Variants in SETBP1 observed in about 807,000 individuals in gnomAD.
The protein encoded by SETBP1 is SET binding protein 1.
SETBP1 carries 9 observed loss-of-function variants against 101.0 expected under a neutral mutation model. The ratio of observed to expected loss-of-function variants is 0.09; its 90% CI spans 0.05 to 0.16. The LOEUF is 0.16. SETBP1 is among the 10% of genes least tolerant of loss of function. SETBP1 has a pLI of 1.00. For missense variants in SETBP1, 1,858 were observed against 2,033.8 expected, an observed-to-expected ratio of 0.91 and a Z score of 1.66; for synonymous variants, 818 against 788.5, an observed-to-expected ratio of 1.04 and a Z score of -0.63.
At chr18:44,941,593 T>A (rs2071089712) in intron 3 of SETBP1, among the ~76,000 whole-genome samples, 2 of 152,270 alleles carry the variant, frequency 1.3e-5, no homozygotes, top group South Asian at 4.1e-4. Context: ...TTAGACCTCT[T>A]GATATTGCTC....
chr18:44,808,417 T>G (rs1174499951), intron 2 of SETBP1, among the ~76,000 whole-genome samples: 1 of 152,236 alleles, frequency 6.6e-6, no homozygotes, highest in Non-Finnish European at 1.5e-5. Flanking sequence ...AAGCTTCATT[T>G]GAAGCCATCA....
intron 2 of SETBP1, among the ~76,000 whole-genome samples, chr18:44,755,053 C>A (rs1357587611): frequency 6.6e-6 from 1 of 152,244 alleles, no homozygotes; most frequent in Non-Finnish European, 1.5e-5. Context: ...ATATGAACTA[C>A]TAACTTGTTT....
chr18:44,834,082 C>T (rs2072436077), intron 2 of SETBP1, among the ~76,000 whole-genome samples: 2 of 152,160 alleles, frequency 1.3e-5, no homozygotes, highest in African/African-American at 4.8e-5. Context: ...TAGGACTGGA[C>T]TTCAGGAATT....
At chr18:44,913,077 C>T (rs1568213681) in intron 3 of SETBP1, among the ~76,000 whole-genome samples, 3 of 152,176 alleles carry the variant, frequency 2.0e-5, no homozygotes. Flanking sequence ...CTTTGAGAAA[C>T]CCACTGCTCT....
chr18:44,681,427 T>C (rs1305929901), intron 1 of SETBP1, among the ~76,000 whole-genome samples: 1 of 152,118 alleles, frequency 6.6e-6, no homozygotes, highest in Non-Finnish European at 1.5e-5. Flanking sequence ...CAGTGTCTGT[T>C]TGTGATGGAA....
At chr18:44,695,414 G>A (rs754927244) in intron 1 of SETBP1, among the ~76,000 whole-genome samples, 11 of 152,178 alleles carry the variant, frequency 7.2e-5, no homozygotes, top group Non-Finnish European at 1.5e-4. Context: ...GAAAAAGAAA[G>A]TCTTCAATTA....
intron 2 of SETBP1, among the ~76,000 whole-genome samples, chr18:44,740,521 G>C (rs1443296951): frequency 6.6e-6 from 1 of 152,208 alleles, no homozygotes; most frequent in African/African-American, 2.4e-5. Flanking sequence ...AGTGGCTATT[G>C]AGTTCCCAAT....
chr18:44,786,950 C>T (rs1419284360), intron 2 of SETBP1, among the ~76,000 whole-genome samples: 1 of 152,148 alleles, frequency 6.6e-6, no homozygotes, highest in Admixed American at 6.5e-5. Context: ...ATCTTTCTCT[C>T]AAATTTGCTG....
At chr18:44,962,345 G>C (rs905809399) in intron 4 of SETBP1, among the ~76,000 whole-genome samples, 2 of 152,152 alleles carry the variant, frequency 1.3e-5, no homozygotes, top group African/African-American at 4.8e-5. Flanking sequence ...CAGTTGAGTG[G>C]GGATGGATTT....
At chr18:45,006,878 T>C (rs2145359230) in intron 4 of SETBP1, among the ~76,000 whole-genome samples, 1 of 152,330 alleles carries the variant, frequency 6.6e-6, no homozygotes, top group South Asian at 2.1e-4. Context: ...CATCCTCTGT[T>C]GCACCAAGTG....
chr18:44,986,745 TG>T (rs1423656448), intron 4 of SETBP1: 2 of 152,142 alleles, frequency 1.3e-5, no homozygotes, highest in Non-Finnish European at 2.9e-5. Context: ...CTTGTCCCAC[TG>T]GAAGGTCTTC....
At chr18:44,703,348 GTTTTTTTTTTTTT>G (rs531974601) in intron 2 of SETBP1, among the ~76,000 whole-genome samples, 5 of 51,442 alleles carry the variant, frequency 9.7e-5, no homozygotes, top group Non-Finnish European at 1.1e-4. Context: ...TTACCATTAG[GTTTTTTTTTTTTT>G]TTTTTTTTTT....
intron 4 of SETBP1, among the ~76,000 whole-genome samples, chr18:44,954,623 C>G (rs1276836439): frequency 6.6e-6 from 1 of 152,146 alleles, no homozygotes; most frequent in Non-Finnish European, 1.5e-5. Flanking sequence ...AAAGATCGCC[C>G]CAGATTGCCA....
chr18:44,801,232 T>C (rs1006834734), intron 2 of SETBP1, among the ~76,000 whole-genome samples: 2 of 152,058 alleles, frequency 1.3e-5, no homozygotes, highest in African/African-American at 4.8e-5. Flanking sequence ...TATACATATG[T>C]AACAAACCTG....
chr18:44,866,171 C>T lies in SETBP1; in HGVS notation c.487-3059C>T, dbSNP rs151205029. On this transcript the variant is annotated intron_variant, in intron 2 of 5. Transcript: ENST00000649279. ...AACCTCCAATTTCTACACTGAAACA[C>T]CACCCAATATTCTTCTAGTAAAACC... Among the ~76,000 whole-genome samples the T allele has an allele frequency of 5.2e-3, 793 of 152,318 alleles. 8 individuals carry two copies. Among genetic ancestry groups the T allele is most frequent in the African/African-American group, 0.018 (737 of 41,568 alleles).
intron 4 of SETBP1, among the ~76,000 whole-genome samples, chr18:44,954,903 A>ATGAAAC (rs2071449255): frequency 6.6e-6 from 1 of 152,202 alleles, no homozygotes; most frequent in African/African-American, 2.4e-5. Context: ...TTTCAGCATG[A>ATGAAAC]TGAAACTGAT....
At chr18:44,830,538 A>G (rs1030338167) in intron 2 of SETBP1, among the ~76,000 whole-genome samples, 3 of 152,138 alleles carry the variant, frequency 2.0e-5, no homozygotes, top group Non-Finnish European at 2.9e-5. Context: ...CTCTAATTGC[A>G]CTGAGGAGTT....
At chr18:44,740,000 G>A (rs2070061212) in intron 2 of SETBP1, among the ~76,000 whole-genome samples, 3 of 152,156 alleles carry the variant, frequency 2.0e-5, no homozygotes, top group Non-Finnish European at 4.4e-5. Flanking sequence ...GGATGAGATC[G>A]TCTTGTTTAC....
chr18:45,034,506 G>T (rs1470835567), intron 4 of SETBP1, among the ~76,000 whole-genome samples: 3 of 151,990 alleles, frequency 2.0e-5, no homozygotes, highest in African/African-American at 7.3e-5. Context: ...TTTCTACACA[G>T]GCTACAGCAC....
Sources: allele counts gnomAD v4.1 joint callset (sites outside exome capture counted in the v4.1 genomes callset), GRCh38; gene constraint gnomAD v4.1.1; transcripts MANE v1.5; gene names NCBI Gene and HGNC (gene_info 2026-07-23, HGNC 2026-07-21).